Variants in NRF1 observed in about 807,000 individuals in gnomAD.
NRF1 encodes nuclear respiratory factor 1.
NRF1 carries 5 observed loss-of-function variants against 58.5 expected under a neutral mutation model. The ratio of observed to expected loss-of-function variants is 0.09; its 90% confidence interval spans 0.04 to 0.18. NRF1 has a LOEUF of 0.18. Ranked by LOEUF, NRF1 falls within the 10% of genes least tolerant of loss-of-function variation. The pLI is 1.00. For synonymous variants in NRF1, 224 were observed against 246.7 expected (o/e 0.91, Z 0.86); for missense variants, 288 against 657.7 (o/e 0.44, Z 6.15).
intron 10 of NRF1, among the ~76,000 whole-genome samples, chr7:129,737,656 T>C (rs143911888): frequency 1.4e-3 from 208 of 152,344 alleles, no homozygotes; most frequent in Non-Finnish European, 2.6e-3. Context: ...TAAATGTTAA[T>C]TTAGGAACTG....
At chr7:129,713,664 G>A (rs1803126540) in intron 8 of NRF1, among the ~76,000 whole-genome samples, 1 of 152,234 alleles carries the variant, frequency 6.6e-6, no homozygotes, top group Non-Finnish European at 1.5e-5. Flanking sequence ...GGAGCACATA[G>A]GTAGGCGGTA....
chr7:129,656,020 G>A (rs907538974), intron 1 of NRF1, among the ~76,000 whole-genome samples: 6 of 152,026 alleles, frequency 3.9e-5, no homozygotes, highest in Non-Finnish European at 7.4e-5. Context: ...GGTCACTTGG[G>A]TTGCTTCCAC....
intron 1 of NRF1, among the ~76,000 whole-genome samples, chr7:129,615,058 A>G (rs1800632666): frequency 1.3e-5 from 2 of 152,268 alleles, no homozygotes; most frequent in African/African-American, 2.4e-5. Context: ...AATAATAACA[A>G]TGAACAGTAA....
At position 129,681,582 on chromosome 7, in the gene NRF1, T is replaced by A. The variant is rs1562968931; in HGVS notation, c.465+3824T>A. Among the ~76,000 whole-genome samples the A allele has an allele frequency of 3.9e-5, 6 of 152,230 alleles. No homozygotes were observed. In the South Asian group the frequency reaches 1.2e-3, roughly 32 times the overall value. On this transcript the variant is annotated intron_variant, in intron 4 of 10. Transcript: ENST00000393232. ...GATAAGAAGTATTTATTTATTAATTTATTTATTTAGAGACAAGGTCGCACT... is the reference window on the plus strand; with the variant it reads ...GATAAGAAGTATTTATTTATTAATTAATTTATTTAGAGACAAGGTCGCACT...
intron 10 of NRF1, 89 bp from the exon 11 acceptor site, chr7:129,754,929 T>G (rs1002453313): frequency 7.3e-7 from 1 of 1,378,934 alleles, no homozygotes; most frequent in African/African-American, 1.5e-5. Flanking sequence ...CCACGATACC[T>G]CAAAGGCAAG....
At chr7:129,740,438 G>C (rs570009105) in intron 10 of NRF1, among the ~76,000 whole-genome samples, 1 of 152,336 alleles carries the variant, frequency 6.6e-6, no homozygotes, top group African/African-American at 2.4e-5. Context: ...TTCATTCGCA[G>C]AGAGGTGGTA....
chr7:129,624,354 G>T (rs888374959), intron 1 of NRF1, among the ~76,000 whole-genome samples: 2 of 152,156 alleles, frequency 1.3e-5, no homozygotes, highest in Non-Finnish European at 2.9e-5. Flanking sequence ...CTGTGTTGGT[G>T]TTCATTACCA....
intron 10 of NRF1, among the ~76,000 whole-genome samples, chr7:129,734,502 C>T (rs965523841): frequency 2.6e-5 from 4 of 152,202 alleles, no homozygotes; most frequent in Admixed American, 6.5e-5. Context: ...TTGCCTTAGT[C>T]TAGTTTAGCC....
chr7:129,724,645 G>C lies in NRF1; in HGVS notation c.1224-2596G>C, dbSNP rs115437307. 5.4e-3 allele frequency among the ~76,000 whole-genome samples: 816 copies of C among 152,328 alleles called. 10 individuals carry two copies. The highest frequency in any genetic ancestry group is 0.019 in the African/African-American group (790 of 41,578). ...GGGAGCAACCAAGTGATCATCGACAGATGAATGGATACACAATGGAATATT... is the reference window on the plus strand; with the variant it reads ...GGGAGCAACCAAGTGATCATCGACACATGAATGGATACACAATGGAATATT... On this transcript the variant is annotated intron_variant, in intron 9 of 10. Coordinates refer to ENST00000393232, the MANE Select transcript of NRF1 (RefSeq NM_005011.5).
intron 1 of NRF1, among the ~76,000 whole-genome samples, chr7:129,616,598 TA>T (rs140094161): frequency 7.9e-5 from 12 of 152,108 alleles, no homozygotes; most frequent in Admixed American, 5.2e-4. Flanking sequence ...CCGTGTTTCT[TA>T]AAAAAAACTA....
At chr7:129,735,948 C>T (rs564390078) in intron 10 of NRF1, among the ~76,000 whole-genome samples, 1 of 152,028 alleles carries the variant, frequency 6.6e-6, no homozygotes, top group Non-Finnish European at 1.5e-5. Flanking sequence ...GTGGAGCTTG[C>T]AGTAAGCCTA....
intron 9 of NRF1, among the ~76,000 whole-genome samples, chr7:129,719,412 G>A (rs1055622417): frequency 2.6e-5 from 4 of 151,964 alleles, no homozygotes; most frequent in Admixed American, 6.6e-5. Flanking sequence ...GATTACAGGC[G>A]TAAGCCACCA....
intron 1 of NRF1, among the ~76,000 whole-genome samples, chr7:129,647,678 G>C (rs752447892): frequency 1.1e-4 from 17 of 152,208 alleles, no homozygotes; most frequent in Non-Finnish European, 2.2e-4. Flanking sequence ...ACAGGCGTGA[G>C]CCACCACGCC....
intron 4 of NRF1, among the ~76,000 whole-genome samples, chr7:129,682,390 C>A (rs1205172659): frequency 6.6e-6 from 1 of 151,122 alleles, no homozygotes; most frequent in Non-Finnish European, 1.5e-5. Flanking sequence ...GCCCAGAGGT[C>A]AAGTCTGCAG....
At chr7:129,658,576 G>C (rs1045575150) in intron 2 of NRF1, among the ~76,000 whole-genome samples, 5 of 149,760 alleles carry the variant, frequency 3.3e-5, no homozygotes, top group African/African-American at 1.2e-4. Flanking sequence ...GAGTGACAGA[G>C]TGAGAGCCTG....
intron 1 of NRF1, among the ~76,000 whole-genome samples, chr7:129,641,348 C>T (rs1801284642): frequency 1.4e-5 from 2 of 145,388 alleles, no homozygotes. Context: ...CCATCAACTT[C>T]CTGTAGGGCC....
chr7:129,701,373 GGATC>G (rs1416746189), intron 5 of NRF1, among the ~76,000 whole-genome samples: 2 of 152,040 alleles, frequency 1.3e-5, no homozygotes, highest in Non-Finnish European at 2.9e-5. Context: ...TGAGGTGGGT[GGATC>G]ACTTGAGGTC....
rs961423894 is a variant in NRF1 at position 129,625,871 on chromosome 7, A to G, written c.-7+14047A>G. On this transcript the variant is annotated intron_variant, in intron 1 of 10. Coordinates refer to ENST00000393232, the MANE Select transcript of NRF1 (RefSeq NM_005011.5). The stretch of plus-strand genomic sequence containing the variant: ...TAATTTTTTGGTATTTTTAGTAGAG[A>G]TGGGGTTTCACCATGTTAGCCAGGA... Among the ~76,000 whole-genome samples the G allele has an allele frequency of 3.9e-5, 6 of 151,934 alleles. No individual in the cohort carries two copies. In the East Asian group the frequency reaches 9.7e-4, roughly 24 times the overall value.
intron 4 of NRF1, among the ~76,000 whole-genome samples, chr7:129,679,273 TACTC>T (rs1056445919): frequency 8.5e-5 from 13 of 152,334 alleles, no homozygotes; most frequent in African/African-American, 2.9e-4. Flanking sequence ...GTATGTGTCA[TACTC>T]ACAGCCACTC....
Sources: gnomAD v4.1 joint callset for allele counts (sites outside exome capture counted in the v4.1 genomes callset) on GRCh38, gnomAD v4.1.1 for gene constraint, MANE v1.5 for transcripts, NCBI Gene and HGNC (gene_info 2026-07-23, HGNC 2026-07-21) for gene names.